Variants in GABRA4 observed in about 807,000 individuals in gnomAD.
GABRA4 encodes gamma-aminobutyric acid receptor subunit alpha-4.
GABRA4 carries 12 observed loss-of-function variants against 49.7 expected under a neutral mutation model. The observed-to-expected ratio is 0.24, with a 90% CI of 0.15 to 0.39. The LOEUF (loss-of-function observed/expected upper bound fraction) is 0.39, where lower values mean the gene tolerates loss of function less well. Among genes scored for constraint, GABRA4 ranks in the 10% least tolerant of loss-of-function variants. GABRA4 has a pLI of 1.00. For missense variants in GABRA4, 506 were observed against 686.0 expected (o/e 0.74, Z 2.93); for synonymous variants, 288 against 240.2 (o/e 1.20, Z -1.84).
In GABRA4 at chr4:46,924,958, C is replaced by T. The variant is rs1721163113; in HGVS notation, c.*3267G>A. 6.6e-6 allele frequency: 1 copy of T among 151,922 alleles called. No homozygotes were observed. Among genetic ancestry groups the T allele is most frequent in the Non-Finnish European group, 1.5e-5 (1 of 67,930 alleles). 9.4% of individuals were successfully genotyped at this position (151,922 alleles called of 1,614,324 possible). A position where few individuals can be genotyped will look rare whatever the true frequency, so the allele number is the denominator to read the frequency against. On this transcript the variant is annotated 3_prime_UTR_variant, in exon 9 of 9. Coordinates refer to ENST00000264318, the MANE Select transcript of GABRA4 (RefSeq NM_000809.4). Reference sequence around the variant, plus strand: ...AACTTGAAATTAAGTGACCCATCTCCACACCTGGTGTCTTTTACTGGAGAA... The same window carrying T: ...AACTTGAAATTAAGTGACCCATCTCTACACCTGGTGTCTTTTACTGGAGAA...
intron 8 of GABRA4, among the ~76,000 whole-genome samples, chr4:46,944,917 G>A (rs577951340): frequency 3.9e-5 from 6 of 152,090 alleles, no homozygotes; most frequent in African/African-American, 1.4e-4. Flanking sequence ...CTACCAACTA[G>A]CACAGTACCA....
At chr4:46,973,344 A>G (rs1321862408) in intron 6 of GABRA4, among the ~76,000 whole-genome samples, 2 of 151,720 alleles carry the variant, frequency 1.3e-5, no homozygotes, top group African/African-American at 4.8e-5. Context: ...AAGAGGCCCC[A>G]GTGTGAGCAC....
intron 8 of GABRA4, among the ~76,000 whole-genome samples, chr4:46,929,926 C>T (rs1215663466): frequency 6.6e-6 from 1 of 151,988 alleles, no homozygotes; most frequent in Non-Finnish European, 1.5e-5. Flanking sequence ...TTCACAGATA[C>T]TAATAATATA....
chr4:46,992,796 G>A lies in GABRA4; in HGVS notation c.205+32C>T, dbSNP rs374362203. 9.6e-6 allele frequency: 14 copies of A among 1,455,354 alleles called. No homozygotes were observed. In the African/African-American group the frequency reaches 9.8e-5, roughly 10 times the overall value. 90.2% of individuals were successfully genotyped at this position (1,455,354 alleles called of 1,614,324 possible). On this transcript the variant is annotated intron_variant, in intron 2 of 8. Coordinates refer to ENST00000264318, the MANE Select transcript of GABRA4 (RefSeq NM_000809.4). ...AGGAAGACCAAGAGAGGGACAGACAGGACACACTTGCGCGTTTGAAATCGT... is the reference window on the plus strand; with the variant it reads ...AGGAAGACCAAGAGAGGGACAGACAAGACACACTTGCGCGTTTGAAATCGT...
rs1460906845 is a variant in GABRA4 at position 46,926,102 on chromosome 4, A to T, written c.*2123T>A. 1 of 151,752 alleles carries T rather than the reference A, an allele frequency of 6.6e-6. No homozygotes were observed. Among genetic ancestry groups the T allele is most frequent in the Non-Finnish European group, 1.5e-5 (1 of 67,870 alleles). The allele number at this position is 151,752 out of a possible 1,614,324, so 9.4% of individuals were successfully genotyped here. A position where few individuals can be genotyped will look rare whatever the true frequency, so the allele number is the denominator to read the frequency against. On this transcript the variant is annotated 3_prime_UTR_variant, in exon 9 of 9. Coordinates refer to ENST00000264318, the MANE Select transcript of GABRA4 (RefSeq NM_000809.4). ...CAACAACAACAACAACAACAACAAC[A>T]ACAAAACCAGCCTTTTCATCAGAAT...
chr4:46,981,004 T>C (rs1361046098), intron 2 of GABRA4, among the ~76,000 whole-genome samples: 2 of 152,108 alleles, frequency 1.3e-5, no homozygotes, highest in Non-Finnish European at 2.9e-5. Context: ...CTTTGATGAT[T>C]GGTTTAGGGA....
At chr4:46,944,096 T>C (rs1161093189) in intron 8 of GABRA4, among the ~76,000 whole-genome samples, 1 of 152,076 alleles carries the variant, frequency 6.6e-6, no homozygotes, top group East Asian at 1.9e-4. Flanking sequence ...CTGTATTGTA[T>C]ACTATAAATT....
chr4:46,986,930 A>G (rs903100708), intron 2 of GABRA4, among the ~76,000 whole-genome samples: 3 of 152,132 alleles, frequency 2.0e-5, no homozygotes, highest in African/African-American at 7.2e-5. Context: ...TTATAAATTT[A>G]CAAACTTCTC....
At chr4:46,951,483 C>G (rs1722170473) in intron 8 of GABRA4, among the ~76,000 whole-genome samples, 2 of 151,706 alleles carry the variant, frequency 1.3e-5, no homozygotes, top group African/African-American at 4.8e-5. Context: ...GTCCTCATAG[C>G]TTGTTACGCT....
At chr4:46,975,142 T>C (rs919642665) in intron 5 of GABRA4, among the ~76,000 whole-genome samples, 1 of 151,988 alleles carries the variant, frequency 6.6e-6, no homozygotes, top group Non-Finnish European at 1.5e-5. Flanking sequence ...ACAGCTTGGC[T>C]CACACACAAG....
chr4:46,957,832 G>A (rs1046193952), intron 8 of GABRA4, among the ~76,000 whole-genome samples: 5 of 151,750 alleles, frequency 3.3e-5, no homozygotes, highest in Non-Finnish European at 7.4e-5. Flanking sequence ...TTACTCAATG[G>A]TAAAAACATG....
chr4:46,954,399 T>TA (rs1722272335), intron 8 of GABRA4, among the ~76,000 whole-genome samples: 1 of 102,306 alleles, frequency 9.8e-6, no homozygotes. Context: ...CTACTAAAAA[T>TA]ACAAAAAATT....
rs539826295 is a variant in GABRA4, at chr4:46,919,166, A to G, written c.*9059T>C. Reference sequence around the variant, plus strand: ...TAAGAAGCAAAGTAACTCTATTACCATAAGTAATAAGTTGAGCTTTGAAAA... The same window carrying G: ...TAAGAAGCAAAGTAACTCTATTACCGTAAGTAATAAGTTGAGCTTTGAAAA... On this transcript the variant is annotated 3_prime_UTR_variant, in exon 9 of 9. Coordinates refer to ENST00000264318, the MANE Select transcript of GABRA4 (RefSeq NM_000809.4). 6 of 151,736 alleles carry G rather than the reference A, an allele frequency of 4.0e-5. No homozygotes were observed. The highest frequency in any genetic ancestry group is 3.9e-4 in the East Asian group (2 of 5,172). 9.4% of individuals were successfully genotyped at this position (151,736 alleles called of 1,614,324 possible).
At chr4:46,970,270 G>A (rs1560477645) in intron 7 of GABRA4, among the ~76,000 whole-genome samples, 2 of 151,382 alleles carry the variant, frequency 1.3e-5, no homozygotes, top group Non-Finnish European at 1.5e-5. Flanking sequence ...AAGAGGAATT[G>A]GCACTCTTGT....
intron 2 of GABRA4, among the ~76,000 whole-genome samples, chr4:46,988,649 A>G (rs982185894): frequency 6.6e-6 from 1 of 152,182 alleles, no homozygotes; most frequent in Non-Finnish European, 1.5e-5. Context: ...TTTCTTTACT[A>G]TTTGAAAGTT....
chr4:46,950,716 A>AAAATAAATAAATAAATAAATAAAT (rs57199994), intron 8 of GABRA4, among the ~76,000 whole-genome samples: 7,921 of 140,186 alleles, frequency 0.057, 273 homozygotes, highest in East Asian at 0.092. Flanking sequence ...ATTCTCTAAG[A>AAAATAAATAAATAAATAAATAAAT]AAATAAATAA....
chr4:46,946,263 T>G (rs544308991), intron 8 of GABRA4, among the ~76,000 whole-genome samples: 1 of 152,160 alleles, frequency 6.6e-6, no homozygotes, highest in Non-Finnish European at 1.5e-5. Context: ...AACTGATAGA[T>G]TCTAGCCAGC....
rs1720892583 is a variant in GABRA4, at chr4:46,919,427, T to C, written c.*8798A>G. 6.6e-6 allele frequency: 1 copy of C among 151,526 alleles called. No individual in the cohort carries two copies. 9.4% of individuals were successfully genotyped at this position (151,526 alleles called of 1,614,324 possible). ...ATTACTAAAACCTCAAGAAATGTGT[T>C]CTTGAGGAAGTAATTTTCCCATAAA... On this transcript the variant is annotated 3_prime_UTR_variant, in exon 9 of 9. Transcript: ENST00000264318.
intron 5 of GABRA4, among the ~76,000 whole-genome samples, chr4:46,975,453 A>G (rs1346044837): frequency 6.6e-6 from 1 of 151,886 alleles, no homozygotes; most frequent in East Asian, 1.9e-4. Flanking sequence ...TGGCTACCCT[A>G]CCTTGCTAGA....
Sources: gnomAD v4.1 joint callset for allele counts (sites outside exome capture counted in the v4.1 genomes callset) on GRCh38, gnomAD v4.1.1 for gene constraint, MANE v1.5 for transcripts, NCBI Gene and HGNC (gene_info 2026-07-23, HGNC 2026-07-21) for gene names.